Variants in NDUFB6 observed in about 807,000 individuals in gnomAD.
NDUFB6 encodes the protein NADH dehydrogenase [ubiquinone] 1 beta subcomplex subunit 6.
Under a neutral mutation model 17.5 loss-of-function variants are expected in NDUFB6, and 23 were observed. That is an observed-to-expected ratio of 1.31 (90% CI 0.94 to 1.86). The LOEUF is 1.86. NDUFB6 is among the 40% of genes most tolerant of loss of function. The pLI, the probability that NDUFB6 is intolerant of heterozygous loss-of-function variation, is 0.00. For synonymous variants in NDUFB6, 60 were observed against 53.5 expected, an observed-to-expected ratio of 1.12 and a Z score of -0.53; for missense variants, 167 against 153.8, an observed-to-expected ratio of 1.09 and a Z score of -0.46.
rs41314205 is a variant in NDUFB6, at chr9:32,566,428, C to T, written c.273+4532G>A. Reference sequence around the variant, plus strand: ...GAAGAGGAGCCTGCTCTCCCTGTTACTGTAGGGGTTGATGGAGTATCTTGA... The same window carrying T: ...GAAGAGGAGCCTGCTCTCCCTGTTATTGTAGGGGTTGATGGAGTATCTTGA... On this transcript the variant is annotated intron_variant, in intron 2 of 3. Transcript: ENST00000379847. 6,326 of 847,028 alleles carry T rather than the reference C, an allele frequency of 7.5e-3. 38 individuals are homozygous for T. Among genetic ancestry groups the T allele is most frequent in the Middle Eastern group, 0.018 (84 of 4,570 alleles). The allele number at this position is 847,028 out of a possible 1,614,324, so 52.5% of individuals were successfully genotyped here.
At chr9:32,565,677 A>C (rs1482427723) in intron 2 of NDUFB6, 3 of 153,038 alleles carry the variant, frequency 2.0e-5, no homozygotes, top group Non-Finnish European at 4.4e-5. Context: ...CAGAAGGTAC[A>C]AAAAATGATT....
At chr9:32,559,292 A>G (rs1344749208) in intron 2 of NDUFB6, among the ~76,000 whole-genome samples, 3 of 152,052 alleles carry the variant, frequency 2.0e-5, no homozygotes, top group Admixed American at 6.5e-5. Context: ...CCTGAATCCA[A>G]CTGGTTCTCA....
chr9:32,554,106 CA>C (rs1821386135), intron 3 of NDUFB6, among the ~76,000 whole-genome samples, 162 bp from the exon 4 acceptor site: 1 of 152,104 alleles, frequency 6.6e-6, no homozygotes, highest in Non-Finnish European at 1.5e-5. Context: ...TAAATCTGAA[CA>C]ATCAGTATTC....
At chr9:32,565,564 G>GA (rs1354210987) in intron 2 of NDUFB6, 11 of 152,284 alleles carry the variant, frequency 7.2e-5, no homozygotes, top group Admixed American at 5.9e-4. Flanking sequence ...GGTAAAACCA[G>GA]AGAACAGAAG....
In NDUFB6 at chr9:32,553,046, T is replaced by TA. The variant is rs1265442602; in HGVS notation, c.*829dup. 1.9e-5 allele frequency: 10 copies of TA among 538,492 alleles called. No homozygotes were observed. The African/African-American group carries it at 1.9e-4, about 10-fold the overall frequency. 33.4% of individuals were successfully genotyped at this position (538,492 alleles called of 1,614,324 possible). ...TTGCATTATCCTTTATAACAAGCACTAGTATGCAAATTTTTCACTTAGAGA... is the reference window on the plus strand; with the variant it reads ...TTGCATTATCCTTTATAACAAGCACTAAGTATGCAAATTTTTCACTTAGAGA... On this transcript the variant is annotated 3_prime_UTR_variant, in exon 4 of 4. Coordinates refer to ENST00000379847, the MANE Select transcript of NDUFB6 (RefSeq NM_002493.5).
At chr9:32,572,666 G>A (rs1444309214) in intron 1 of NDUFB6, among the ~76,000 whole-genome samples, 1 of 152,198 alleles carries the variant, frequency 6.6e-6, no homozygotes, top group Non-Finnish European at 1.5e-5. Context: ...CCCGTCCACT[G>A]TACTTGACAG....
At chr9:32,563,326 CTTTTT>C (rs964142546) in intron 2 of NDUFB6, among the ~76,000 whole-genome samples, 1 of 148,388 alleles carries the variant, frequency 6.7e-6, no homozygotes, top group Non-Finnish European at 1.5e-5. Flanking sequence ...TTAGCATCCT[CTTTTT>C]TTTTTAATTT....
Position 32,563,578 on chromosome 9 carries a change from C to T in NDUFB6, c.274-4624G>A, listed in dbSNP as rs146197113. Among the ~76,000 whole-genome samples, 479 of 150,126 alleles carry T rather than the reference C, an allele frequency of 3.2e-3. 3 individuals are homozygous for T. Among genetic ancestry groups the T allele is most frequent in the African/African-American group, 0.011 (451 of 40,622 alleles). ...GCCTCAAGCAGTCCTCCCACCTCAGCCTCCCAAAGTGTTGGGATTACAGGT... is the reference window on the plus strand; with the variant it reads ...GCCTCAAGCAGTCCTCCCACCTCAGTCTCCCAAAGTGTTGGGATTACAGGT... On this transcript the variant is annotated intron_variant, in intron 2 of 3. Coordinates refer to ENST00000379847, the MANE Select transcript of NDUFB6 (RefSeq NM_002493.5).
In NDUFB6 at chr9:32,553,854, C is replaced by G; in HGVS notation, c.*22G>C. On this transcript the variant is annotated 3_prime_UTR_variant, in exon 4 of 4. Coordinates refer to ENST00000379847, the MANE Select transcript of NDUFB6 (RefSeq NM_002493.5). ...TAGGAACAAACTTAGGCTCATAAGCCTTTTAACTTTTTACATAATCTTTAA... is the reference window on the plus strand; with the variant it reads ...TAGGAACAAACTTAGGCTCATAAGCGTTTTAACTTTTTACATAATCTTTAA... 1.3e-6 allele frequency: 2 copies of G among 1,495,346 alleles called. No individual in the cohort carries two copies. The highest frequency in any genetic ancestry group is 2.3e-5 in the South Asian group (2 of 87,212). The allele number at this position is 1,495,346 out of a possible 1,614,324, so 92.6% of individuals were successfully genotyped here.
chr9:32,553,236 C>T lies in NDUFB6; in HGVS notation c.*640G>A, dbSNP rs1383029258. On this transcript the variant is annotated 3_prime_UTR_variant, in exon 4 of 4. Coordinates refer to ENST00000379847, the MANE Select transcript of NDUFB6 (RefSeq NM_002493.5). ...TTGAGACGGAGTCTTGCTCTGTCGC[C>T]CAGGCTCAGTGGCACTATCTCGGCT... 4.6e-6 allele frequency: 1 copy of T among 215,440 alleles called. No homozygotes were observed. The highest frequency in any genetic ancestry group is 5.4e-5 in the Admixed American group (1 of 18,364). 13.3% of individuals were successfully genotyped at this position (215,440 alleles called of 1,614,324 possible). A position where few individuals can be genotyped will look rare whatever the true frequency, so the allele number is the denominator to read the frequency against.
intron 2 of NDUFB6, among the ~76,000 whole-genome samples, chr9:32,564,423 A>T (rs368065742): frequency 4.0e-5 from 6 of 151,858 alleles, no homozygotes; most frequent in African/African-American, 1.5e-4. Flanking sequence ...GAGACAAGCA[A>T]CTCTATCAGT....
intron 2 of NDUFB6, among the ~76,000 whole-genome samples, chr9:32,561,062 GC>G (rs1382104508): frequency 6.6e-6 from 1 of 152,130 alleles, no homozygotes; most frequent in Non-Finnish European, 1.5e-5. Context: ...AAATGAAGTA[GC>G]CTTTTTATGA....
At chr9:32,565,007 AGC>A (rs1821740263) in intron 2 of NDUFB6, among the ~76,000 whole-genome samples, 1 of 152,154 alleles carries the variant, frequency 6.6e-6, no homozygotes. Context: ...TAAACAATTC[AGC>A]AGGCCAGGTG....
intron 2 of NDUFB6, chr9:32,566,430 G>T: frequency 1.2e-6 from 1 of 845,820 alleles, no homozygotes; most frequent in Non-Finnish European, 2.1e-6. Context: ...CCCTGTTACT[G>T]TAGGGGTTGA....
intron 2 of NDUFB6, among the ~76,000 whole-genome samples, chr9:32,563,326 C>G (rs1000732360): frequency 6.7e-6 from 1 of 148,388 alleles, no homozygotes; most frequent in African/African-American, 2.5e-5. Context: ...TTAGCATCCT[C>G]TTTTTTTTTT....
intron 2 of NDUFB6, among the ~76,000 whole-genome samples, chr9:32,563,710 C>G (rs1003856344): frequency 6.6e-6 from 1 of 152,238 alleles, no homozygotes; most frequent in East Asian, 1.9e-4. Context: ...TTCTATCATT[C>G]AGCAAATTAT....
At chr9:32,572,719 C>T (rs560477426) in intron 1 of NDUFB6, among the ~76,000 whole-genome samples, 162 bp downstream of exon 1, 8 of 152,280 alleles carry the variant, frequency 5.3e-5, no homozygotes, top group Admixed American at 1.3e-4. Context: ...TTCCTGGACT[C>T]CTGCCTCCCG....
At chr9:32,565,930 C>G (rs1821772355) in intron 2 of NDUFB6, among the ~76,000 whole-genome samples, 1 of 152,138 alleles carries the variant, frequency 6.6e-6, no homozygotes, top group African/African-American at 2.4e-5. Flanking sequence ...CAGGATCACA[C>G]TACTACACTC....
rs1319250399 is a variant in NDUFB6 at position 32,567,623 on chromosome 9, C to T, written c.273+3337G>A. 4 of 365,948 alleles carry T rather than the reference C, an allele frequency of 1.1e-5. No homozygotes were observed. In the East Asian group the frequency reaches 3.0e-4, roughly 28 times the overall value. The allele number at this position is 365,948 out of a possible 1,614,324, so 22.7% of individuals were successfully genotyped here. ...TACAGGTGTGAGCCACCATGCCTGG[C>T]CTCAAACTTTGTCACTATTGTTATA... On this transcript the variant is annotated intron_variant, in intron 2 of 3. Transcript: ENST00000379847.
Sources: gnomAD v4.1 joint callset for allele counts (sites outside exome capture counted in the v4.1 genomes callset) on GRCh38, gnomAD v4.1.1 for gene constraint, MANE v1.5 for transcripts, NCBI Gene and HGNC (gene_info 2026-07-23, HGNC 2026-07-21) for gene names.